Variants in CLCN3 observed in about 807,000 individuals in gnomAD.
The protein encoded by CLCN3 is Cl-/H+ antiporter 3, also known as H(+)/Cl(-) exchange transporter 3.
A neutral mutation model predicts 83.4 loss-of-function variants in CLCN3; 16 were observed. The observed-to-expected ratio is 0.19, with a 90% CI of 0.13 to 0.29. The LOEUF is 0.29. Ranked by LOEUF, CLCN3 falls within the 10% of genes least tolerant of loss-of-function variation. The probability of loss-of-function intolerance (pLI) is 1.00; values close to 1 mark genes in which losing one functional copy is unlikely to be tolerated. For missense variants in CLCN3, 544 were observed against 1,006.0 expected (o/e 0.54, Z 6.21); for synonymous variants, 322 against 346.2 (o/e 0.93, Z 0.78).
At chr4:169,666,096 A>T (rs893353548) in intron 2 of CLCN3, among the ~76,000 whole-genome samples, 1 of 151,920 alleles carries the variant, frequency 6.6e-6, no homozygotes, top group Non-Finnish European at 1.5e-5. Flanking sequence ...TTTCTAGTTC[A>T]GTGTTTGTCA....
chr4:169,648,488 A>G (rs542083630), intron 2 of CLCN3, among the ~76,000 whole-genome samples: 183 of 152,334 alleles, frequency 1.2e-3, no homozygotes, highest in Non-Finnish European at 2.3e-3. Context: ...CCATAATCCT[A>G]CCACCCAGAG....
chr4:169,628,608 C>T (rs1345640227), intron 1 of CLCN3, among the ~76,000 whole-genome samples: 1 of 152,184 alleles, frequency 6.6e-6, no homozygotes, highest in Non-Finnish European at 1.5e-5. Flanking sequence ...TACTACCGTA[C>T]ATCTATCAGA....
Position 169,620,599 on chromosome 4 carries a change from G to C in CLCN3, c.-481G>C, listed in dbSNP as rs1410393825. On this transcript the variant is annotated 5_prime_UTR_variant, in exon 1 of 13. Transcript: ENST00000513761. ...GCTTCTCTTCCCCTTCCGTGGGTCAGGGCCGGTCCGGTCCGGAACCTGCAG... is the reference window on the plus strand; with the variant it reads ...GCTTCTCTTCCCCTTCCGTGGGTCACGGCCGGTCCGGTCCGGAACCTGCAG... 1.3e-5 allele frequency: 5 copies of C among 397,038 alleles called. No homozygotes were observed. Among genetic ancestry groups the C allele is most frequent in the African/African-American group, 1.0e-4 (5 of 48,638 alleles). 24.6% of individuals were successfully genotyped at this position (397,038 alleles called of 1,614,324 possible).
chr4:169,705,249 G>A (rs1732945769), intron 10 of CLCN3, among the ~76,000 whole-genome samples: 1 of 152,108 alleles, frequency 6.6e-6, no homozygotes. Flanking sequence ...ACGAGGATGG[G>A]AATAAATTTT....
intron 2 of CLCN3, among the ~76,000 whole-genome samples, chr4:169,649,954 G>A (rs1200595618): frequency 1.3e-5 from 2 of 152,068 alleles, no homozygotes; most frequent in Non-Finnish European, 2.9e-5. Context: ...GCATGGTGGT[G>A]CACGACTGTA....
chr4:169,646,338 C>T (rs902996256), intron 2 of CLCN3, among the ~76,000 whole-genome samples: 1 of 152,020 alleles, frequency 6.6e-6, no homozygotes, highest in Non-Finnish European at 1.5e-5. Context: ...CTAGAGTGCC[C>T]TGGTGATATT....
At chr4:169,698,811 G>T (rs1410451067) in intron 9 of CLCN3, among the ~76,000 whole-genome samples, 1 of 152,172 alleles carries the variant, frequency 6.6e-6, no homozygotes, top group African/African-American at 2.4e-5. Flanking sequence ...GCATTCTGGA[G>T]GCTGTAGGAG....
At chr4:169,685,028 G>A (rs1240695470) in intron 3 of CLCN3, among the ~76,000 whole-genome samples, 1 of 147,818 alleles carries the variant, frequency 6.8e-6, no homozygotes, top group African/African-American at 2.5e-5. Context: ...TGTTACTCAG[G>A]CTGGTCTGAA....
At chr4:169,665,000 T>C (rs893650105) in intron 2 of CLCN3, among the ~76,000 whole-genome samples, 1 of 152,194 alleles carries the variant, frequency 6.6e-6, no homozygotes, top group African/African-American at 2.4e-5. Context: ...TTTGTAGCCC[T>C]TTGCAACTTT....
At chr4:169,688,689 A>G (rs181566478) in intron 4 of CLCN3, among the ~76,000 whole-genome samples, 1 of 152,330 alleles carries the variant, frequency 6.6e-6, no homozygotes, top group African/African-American at 2.4e-5. Context: ...AATGAAATTG[A>G]CATCATTTAT....
At chr4:169,632,741 A>T (rs1393034644) in intron 1 of CLCN3, among the ~76,000 whole-genome samples, 3 of 150,214 alleles carry the variant, frequency 2.0e-5, no homozygotes, top group African/African-American at 7.4e-5. Context: ...AAAAAAAAAA[A>T]AGTGCTGGGG....
At chr4:169,661,953 G>A (rs1731072761) in intron 2 of CLCN3, among the ~76,000 whole-genome samples, 1 of 152,068 alleles carries the variant, frequency 6.6e-6, no homozygotes, top group Admixed American at 6.6e-5. Context: ...TGTAAAACAA[G>A]ACAGACTGTA....
chr4:169,660,196 A>G (rs1731004229), intron 2 of CLCN3: 10 of 1,186,980 alleles, frequency 8.4e-6, no homozygotes, highest in Non-Finnish European at 1.0e-5. Flanking sequence ...CTTTGATGAC[A>G]TCATCCACTG....
chr4:169,689,803 C>T (rs1004068484), intron 5 of CLCN3, among the ~76,000 whole-genome samples: 1 of 152,008 alleles, frequency 6.6e-6, no homozygotes, highest in African/African-American at 2.4e-5. Flanking sequence ...TATACATTTG[C>T]GGTAAGATGA....
In CLCN3 at chr4:169,689,115, C is replaced by T. The variant is rs755931467; in HGVS notation, c.491C>T (p.Ala164Val). 3 of 1,613,486 alleles carry T rather than the reference C, an allele frequency of 1.9e-6. No individual in the cohort carries two copies. The highest frequency in any genetic ancestry group is 1.3e-5 in the African/African-American group (1 of 74,876). Residue 164 changes from alanine (A) to valine (V), a missense_variant, in exon 5 of 13, where the codon GCG becomes GTG. Ala to Val is a moderately conservative substitution (Grantham distance 64). Transcript: ENST00000513761. ...TDLKEGICLS[A>V]LWYNHEQCCW... ...CTAAAGGAGGGCATTTGCCTTAGTG[C>T]GTTGTGGTACAACCACGAACAGTGC...
At chr4:169,703,958 G>C (rs1319340393) in intron 9 of CLCN3, 40 bp from the exon 10 acceptor site, 2 of 1,588,106 alleles carry the variant, frequency 1.3e-6, no homozygotes, top group South Asian at 2.2e-5. Flanking sequence ...CATGTGAGTA[G>C]AGGATCTCTG....
intron 2 of CLCN3, among the ~76,000 whole-genome samples, chr4:169,658,081 T>C (rs1216175692): frequency 6.6e-6 from 1 of 152,134 alleles, no homozygotes; most frequent in Admixed American, 6.6e-5. Flanking sequence ...TTTAGGTTTA[T>C]TATTACAAAA....
At chr4:169,633,099 G>A (rs1365730847) in intron 1 of CLCN3, among the ~76,000 whole-genome samples, 1 of 152,076 alleles carries the variant, frequency 6.6e-6, no homozygotes, top group Non-Finnish European at 1.5e-5. Flanking sequence ...TGCAACTGCC[G>A]CCTCTCTGGC....
chr4:169,689,108 C>G lies in CLCN3; in HGVS notation c.484C>G (p.Leu162Val). ...WMTDLKEGIC[L>V]SALWYNHEQC... ...GACTGACCTAAAGGAGGGCATTTGCCTTAGTGCGTTGTGGTACAACCACGA... is the reference window on the plus strand; with the variant it reads ...GACTGACCTAAAGGAGGGCATTTGCGTTAGTGCGTTGTGGTACAACCACGA... Residue 162 changes from leucine (L) to valine (V), a missense_variant, in exon 5 of 13, where the codon CTT (leucine) becomes GTT (valine). Physicochemically the swap from Leu to Val is conservative, Grantham distance 32. This residue lies in a region of CLCN3 where 96 missense variants were observed against 202.1 expected (regional missense o/e 0.48). Transcript: ENST00000513761. 6.2e-7 allele frequency: 1 copy of G among 1,613,808 alleles called. No individual in the cohort carries two copies. Among genetic ancestry groups the G allele is most frequent in the East Asian group, 2.2e-5 (1 of 44,840 alleles).
Sources: allele counts gnomAD v4.1 joint callset (sites outside exome capture counted in the v4.1 genomes callset), GRCh38; gene constraint gnomAD v4.1.1; regional missense constraint gnomAD v4.1.1; transcripts MANE v1.5; gene names NCBI Gene and HGNC (gene_info 2026-07-23, HGNC 2026-07-21).